The following RRH variants were observed in gnomAD, a reference collection of about 807,000 sequenced individuals.
RRH encodes retinal pigment epithelium-derived rhodopsin homolog, also known as visual pigment-like receptor peropsin.
A neutral mutation model predicts 33.1 loss-of-function variants in RRH; 36 were observed. That is an observed-to-expected ratio of 1.09 (90% CI 0.83 to 1.44). RRH has a LOEUF of 1.44. Ranked by LOEUF, RRH falls within the 40% of genes most tolerant of loss-of-function variation. The pLI is 0.00. For synonymous variants in RRH, 124 were observed against 140.2 expected, an observed-to-expected ratio of 0.88 and a Z score of 0.82; for missense variants, 393 against 420.2, an observed-to-expected ratio of 0.94 and a Z score of 0.57.
In RRH at chr4:109,837,506, C is replaced by T; in HGVS notation, c.621C>T (p.Tyr207=). Residue 207 remains tyrosine, a synonymous_variant, in exon 5 of 7, where the codon TAC becomes TAT. Transcript: ENST00000317735. ...NFIVPLTVMF[Y]CYYHVTLSIK... The stretch of plus-strand genomic sequence containing the variant: ...TTGTGCCCTTGACAGTGATGTTTTA[C>T]TGCTATTACCATGTCACGCTATCCA... The T allele has an allele frequency of 6.2e-7, 1 of 1,613,180 alleles. No homozygotes were observed. The highest frequency in any genetic ancestry group is 1.3e-5 in the African/African-American group (1 of 75,028).
At chr4:109,842,372 T>C (rs906819500) in intron 5 of RRH, 97 bp from the exon 6 acceptor site, 22 of 1,176,196 alleles carry the variant, frequency 1.9e-5, no homozygotes, top group Non-Finnish European at 2.3e-5. Flanking sequence ...ATAAACATAT[T>C]CAAATTCCAA....
At chr4:109,835,161 G>C (rs1350110643) in intron 2 of RRH, among the ~76,000 whole-genome samples, 1 of 152,080 alleles carries the variant, frequency 6.6e-6, no homozygotes, top group Non-Finnish European at 1.5e-5. Context: ...TTTCAAAAAA[G>C]TCCATTTTAG....
At chr4:109,841,518 A>G (rs756684210) in intron 5 of RRH, among the ~76,000 whole-genome samples, 2 of 152,048 alleles carry the variant, frequency 1.3e-5, no homozygotes, top group Admixed American at 1.3e-4. Context: ...TTGGAAGTCT[A>G]CTTTCTTTGT....
intron 1 of RRH, among the ~76,000 whole-genome samples, chr4:109,828,865 G>A (rs986371379): frequency 2.0e-5 from 3 of 151,964 alleles, no homozygotes; most frequent in Non-Finnish European, 4.4e-5. Context: ...ACACATAAAT[G>A]CCATATAGTA....
intron 5 of RRH, 26 bp from the exon 6 acceptor site, chr4:109,842,442 GC>G: frequency 1.2e-6 from 2 of 1,604,956 alleles, no homozygotes; most frequent in Non-Finnish European, 1.7e-6. Context: ...TAGGTATTGG[GC>G]TTGGTGAATA....
In RRH at chr4:109,837,270, A is replaced by G. The variant is rs890210447; in HGVS notation, c.552-167A>G. ...ATAGGCTGAAATAGGCCTACAGTCC[A>G]TAGTTTGCCAATTCCGGGCCTAAAT... On this transcript the variant is annotated intron_variant, in intron 4 of 6. Transcript: ENST00000317735. Among the ~76,000 whole-genome samples, 8 of 152,334 alleles carry G rather than the reference A, an allele frequency of 5.3e-5. No homozygotes were observed. In the South Asian group the frequency reaches 6.2e-4, roughly 12 times the overall value.
intron 6 of RRH, 40 bp from the exon 7 acceptor site, chr4:109,844,043 C>A: frequency 7.6e-7 from 1 of 1,307,584 alleles, no homozygotes. Flanking sequence ...AGTTCCAAAT[C>A]ATTATGGGTT....
intron 2 of RRH, 60 bp downstream of exon 2, chr4:109,833,389 T>C (rs1228481255): frequency 1.5e-6 from 2 of 1,343,292 alleles, no homozygotes; most frequent in African/African-American, 2.9e-5. Context: ...TAAATTTAAA[T>C]GTCTAAAACG....
At chr4:109,843,628 C>T (rs765234276) in intron 6 of RRH, among the ~76,000 whole-genome samples, 8 of 152,184 alleles carry the variant, frequency 5.3e-5, no homozygotes, top group Non-Finnish European at 8.8e-5. Context: ...ATGAAGAACA[C>T]ATTTTAAATT....
intron 6 of RRH, 39 bp from the exon 7 acceptor site, chr4:109,844,044 A>G (rs1734032429): frequency 7.6e-7 from 1 of 1,323,498 alleles, no homozygotes; most frequent in Non-Finnish European, 1.1e-6. Context: ...GTTCCAAATC[A>G]TTATGGGTTA....
At chr4:109,831,251 A>C (rs1024550435) in intron 1 of RRH, among the ~76,000 whole-genome samples, 6 of 152,136 alleles carry the variant, frequency 3.9e-5, no homozygotes, top group Non-Finnish European at 7.4e-5. Context: ...AATTCTTCGG[A>C]GTATATCTTG....
chr4:109,830,384 A>C (rs1176435960), intron 1 of RRH, among the ~76,000 whole-genome samples: 2 of 152,154 alleles, frequency 1.3e-5, no homozygotes, highest in Non-Finnish European at 2.9e-5. Flanking sequence ...TAGCTAAGGG[A>C]CCACATAGGA....
At chr4:109,839,174 G>A (rs1240963938) in intron 5 of RRH, among the ~76,000 whole-genome samples, 1 of 151,036 alleles carries the variant, frequency 6.6e-6, no homozygotes, top group African/African-American at 2.5e-5. Context: ...ATAAGGGTGA[G>A]GATAGTGAAG....
chr4:109,838,182 C>T (rs1363370984), intron 5 of RRH, among the ~76,000 whole-genome samples: 1 of 152,190 alleles, frequency 6.6e-6, no homozygotes, highest in Admixed American at 6.5e-5. Flanking sequence ...GATTTATTCT[C>T]TTATACCACC....
chr4:109,830,535 G>C (rs62324954), intron 1 of RRH, among the ~76,000 whole-genome samples: 3 of 151,852 alleles, frequency 2.0e-5, no homozygotes, highest in Non-Finnish European at 4.4e-5. Flanking sequence ...ATGATGCCTA[G>C]GTTTCTTTTT....
chr4:109,837,548 C>T lies in RRH; in HGVS notation c.663C>T (p.Thr221=). The T allele has an allele frequency of 1.9e-6, 3 of 1,613,760 alleles. No individual in the cohort carries two copies. The highest frequency in any genetic ancestry group is 1.7e-6 in the Non-Finnish European group (2 of 1,179,660). The change falls in exon 5 of 7, where the codon ACC becomes ACT. Residue 221 remains threonine, a synonymous_variant. Coordinates refer to ENST00000317735, the MANE Select transcript of RRH (RefSeq NM_006583.5). The stretch of plus-strand genomic sequence containing the variant: ...CGCTATCCATTAAACATCACACTAC[C>T]AGTGACTGCACTGAGTCCCTCAACA... ...HVTLSIKHHT[T]SDCTESLNRD...
intron 5 of RRH, among the ~76,000 whole-genome samples, chr4:109,841,874 T>C (rs902301448): frequency 3.3e-5 from 5 of 152,196 alleles, no homozygotes; most frequent in Admixed American, 6.5e-5. Context: ...AATTTTTCCA[T>C]TTAAACAAGA....
chr4:109,839,045 A>G (rs1267112950), intron 5 of RRH, among the ~76,000 whole-genome samples: 2 of 151,062 alleles, frequency 1.3e-5, no homozygotes, highest in African/African-American at 4.9e-5. Context: ...TTTACCTTCT[A>G]ATTTTCTTAA....
intron 1 of RRH, among the ~76,000 whole-genome samples, chr4:109,830,582 T>TGGGA (rs1278328226): frequency 6.6e-6 from 1 of 152,106 alleles, no homozygotes; most frequent in Non-Finnish European, 1.5e-5. Flanking sequence ...CTTCATCAGA[T>TGGGA]GGGAACACAC....
Sources: allele counts gnomAD v4.1 joint callset (sites outside exome capture counted in the v4.1 genomes callset), GRCh38; gene constraint gnomAD v4.1.1; transcripts MANE v1.5; gene names NCBI Gene and HGNC (gene_info 2026-07-23, HGNC 2026-07-21).